ITPRID2: variants seen among roughly 807,000 people sequenced by gnomAD.
The protein encoded by ITPRID2 is ITPR interacting domain containing 2.
ITPRID2 carries 60 observed loss-of-function variants against 124.3 expected under a neutral mutation model. The ratio of observed to expected loss-of-function variants is 0.48; its 90% confidence interval spans 0.39 to 0.60. The LOEUF (loss-of-function observed/expected upper bound fraction) is 0.60. Ranked by LOEUF, ITPRID2 falls within the 20% of genes least tolerant of loss-of-function variation. ITPRID2 has a pLI of 0.00. For synonymous variants in ITPRID2, 521 were observed against 542.9 expected (o/e 0.96, Z 0.56); for missense variants, 1,553 against 1,512.2 (o/e 1.03, Z -0.45).
intron 4 of ITPRID2, among the ~76,000 whole-genome samples, chr2:181,898,491 G>A (rs1692393415): frequency 6.6e-6 from 1 of 151,904 alleles, no homozygotes; most frequent in African/African-American, 2.4e-5. Context: ...GTTAAATCAT[G>A]TTTTCCTCTT....
rs1011226481 is a variant in ITPRID2 at position 181,896,759 on chromosome 2, T to C, written c.308-149T>C. 7.5e-6 allele frequency: 5 copies of C among 665,464 alleles called. No homozygotes were observed. Among genetic ancestry groups the C allele is most frequent in the African/African-American group, 1.8e-5 (1 of 55,174 alleles). 41.2% of individuals were successfully genotyped at this position (665,464 alleles called of 1,614,324 possible). On this transcript the variant is annotated intron_variant, in intron 3 of 17. Coordinates refer to ENST00000431877, the MANE Select transcript of ITPRID2 (RefSeq NM_001130445.3). The surrounding 1 kb of genome is among the most constrained non-coding windows in gnomAD (Gnocchi z 4.3). ...AGCTTATACCTGCTTCTTGAAGTTA[T>C]ATAATCAGAATAATGTCTGAGTACA...
At chr2:181,918,704 CA>C in intron 12 of ITPRID2, 29 bp downstream of exon 12, 1 of 1,613,548 alleles carries the variant, frequency 6.2e-7, no homozygotes, top group Non-Finnish European at 8.5e-7. Context: ...CTTTGTGTTC[CA>C]AAATAATTTG....
intron 11 of ITPRID2, chr2:181,917,470 G>A (rs1052807511): frequency 3.9e-5 from 6 of 152,196 alleles, no homozygotes; most frequent in African/African-American, 1.4e-4. Flanking sequence ...TGTCTGTGAT[G>A]GAACTTGCAG....
intron 8 of ITPRID2, among the ~76,000 whole-genome samples, chr2:181,903,314 G>T (rs1692831109): frequency 6.6e-6 from 1 of 152,108 alleles, no homozygotes; most frequent in African/African-American, 2.4e-5. Context: ...GGAAACTGAG[G>T]CATATGTATG....
At chr2:181,921,394 C>A (rs1694468886) in intron 15 of ITPRID2, among the ~76,000 whole-genome samples, 2 of 151,896 alleles carry the variant, frequency 1.3e-5, no homozygotes, top group African/African-American at 4.8e-5. Context: ...AGGAGACTTG[C>A]TTGAACCCGG....
chr2:181,924,105 C>CATA (rs1694681188), intron 16 of ITPRID2, among the ~76,000 whole-genome samples: 1 of 152,154 alleles, frequency 6.6e-6, no homozygotes, highest in Non-Finnish European at 1.5e-5. Flanking sequence ...CTGAATTTGG[C>CATA]ATAGGCTTGA....
Position 181,902,370 on chromosome 2 carries a change from T to A in ITPRID2, c.1317T>A (p.His439Gln). ...ATAGCAGTGAGCTGAAAAGTGTCCA[T>A]ATATCCACACCTGAAAAAGAGCCTT... Reference protein sequence around the residue: ...LENSSELKSVHISTPEKEPCA... With the variant: ...LENSSELKSVQISTPEKEPCA... Residue 439 changes from histidine to glutamine, a missense_variant, in exon 8 of 18, where the codon CAT becomes CAA. Coordinates refer to ENST00000431877, the MANE Select transcript of ITPRID2 (RefSeq NM_001130445.3). This position sits in a 1 kb window ranked among gnomAD's most constrained non-coding sequence, Gnocchi z 4.4. 1 of 1,613,910 alleles carries A rather than the reference T, an allele frequency of 6.2e-7. No individual in the cohort carries two copies. The highest frequency in any genetic ancestry group is 8.5e-7 in the Non-Finnish European group (1 of 1,179,880).
At chr2:181,927,246 C>CAATT (rs1694930346) in intron 16 of ITPRID2, among the ~76,000 whole-genome samples, 1 of 152,124 alleles carries the variant, frequency 6.6e-6, no homozygotes, top group Admixed American at 6.5e-5. Flanking sequence ...TGACAGGAAA[C>CAATT]TGGAAATGTA....
chr2:181,913,356 C>T (rs187330868), intron 9 of ITPRID2, among the ~76,000 whole-genome samples: 20 of 152,256 alleles, frequency 1.3e-4, no homozygotes, highest in Non-Finnish European at 2.8e-4. Context: ...CATGAGCCAC[C>T]GCGCCCAGCC....
Position 181,892,105 on chromosome 2 carries a change from G to A in ITPRID2, c.39G>A (p.Glu13=), listed in dbSNP as rs983061641. The change falls in exon 1 of 18, where the codon GAG becomes GAA. Residue 13 remains glutamate (E), a synonymous_variant. Coordinates refer to ENST00000431877, the MANE Select transcript of ITPRID2 (RefSeq NM_001130445.3). The surrounding 1 kb of genome is among the most constrained non-coding windows in gnomAD (Gnocchi z 5.2). ...TGTCGTCGTCGGCGGAGGCGGAGGA[G>A]GAACTGGAGTGGCAAGTGGCGAGTC... The part of the protein sequence containing the change: ...RPLSSSAEAE[E]ELEWQVASRR... 2 of 1,558,052 alleles carry A rather than the reference G, an allele frequency of 1.3e-6. No homozygotes were observed. The highest frequency in any genetic ancestry group is 2.7e-5 in the African/African-American group (2 of 73,538).
rs1321366155 is a variant in ITPRID2 at position 181,916,345 on chromosome 2, C to T, written c.2705C>T (p.Ser902Phe). 4 of 1,614,080 alleles carry T rather than the reference C, an allele frequency of 2.5e-6. No individual in the cohort carries two copies. Among genetic ancestry groups the T allele is most frequent in the African/African-American group, 2.7e-5 (2 of 74,924 alleles). ...RHATYPYRVC[S>F]VNPPSAIEMQ... ...GCCACCTACCCTTACCGAGTGTGCT[C>T]TGTGAATCCTCCTTCAGCCATAGAA... is the stretch of plus-strand genomic sequence containing the variant. Residue 902 changes from serine to phenylalanine, a missense_variant, in exon 11 of 18, where the codon TCT (serine) becomes TTT (phenylalanine). Transcript: ENST00000431877.
chr2:181,915,797 T>A lies in ITPRID2; in HGVS notation c.2157T>A (p.Asp719Glu). 6.2e-7 allele frequency: 1 copy of A among 1,614,152 alleles called. No individual in the cohort carries two copies. Reference protein sequence around the residue: ...RMGRSLLKSKDLLKQRYLFAK... With the variant: ...RMGRSLLKSKELLKQRYLFAK... ...GGCGTAGCCTGCTAAAATCAAAAGA[T>A]TTGTTAAAACAAAGGTACTTATTTG... The change falls in exon 11 of 18, where the codon GAT (aspartate) becomes GAA (glutamate). Residue 719 changes from aspartate (D) to glutamate (E), a missense_variant. Transcript: ENST00000431877.
intron 16 of ITPRID2, among the ~76,000 whole-genome samples, chr2:181,925,619 G>A (rs1186666474): frequency 2.6e-5 from 4 of 151,974 alleles, no homozygotes; most frequent in Non-Finnish European, 5.9e-5. Context: ...CATTCATTCA[G>A]ACGCTTACTG....
In ITPRID2 at chr2:181,907,146, G is replaced by C. The variant is rs1693196189; in HGVS notation, c.1414-2753G>C. On this transcript the variant is annotated intron_variant, in intron 8 of 17. Transcript: ENST00000431877. The surrounding 1 kb of genome is among the most constrained non-coding windows in gnomAD (Gnocchi z 5.1). ...TAGAACATCCATGTATTGCTGTCCTGTGCAATACAATACAGTAGTATTGTG... is the reference window on the plus strand; with the variant it reads ...TAGAACATCCATGTATTGCTGTCCTCTGCAATACAATACAGTAGTATTGTG... Among the ~76,000 whole-genome samples the C allele has an allele frequency of 6.6e-6, 1 of 152,164 alleles. No individual in the cohort carries two copies. Among genetic ancestry groups the C allele is most frequent in the South Asian group, 2.1e-4 (1 of 4,828 alleles).
At position 181,902,677 on chromosome 2, in the gene ITPRID2, CT is replaced by C. The variant is rs1692770153; in HGVS notation, c.1413+214del. Among the ~76,000 whole-genome samples the C allele has an allele frequency of 6.6e-6, 1 of 152,192 alleles. No individual in the cohort carries two copies. Among genetic ancestry groups the C allele is most frequent in the Non-Finnish European group, 1.5e-5 (1 of 68,028 alleles). On this transcript the variant is annotated intron_variant, in intron 8 of 17. Transcript: ENST00000431877. This position sits in a 1 kb window ranked among gnomAD's most constrained non-coding sequence, Gnocchi z 4.4. ...GGACAGTTCAGTAACTCCTCCAGATCTTTATCCACTAGTTGATATTTGAACC... is the reference window on the plus strand; with the variant it reads ...GGACAGTTCAGTAACTCCTCCAGATCTTATCCACTAGTTGATATTTGAACC...
intron 2 of ITPRID2, chr2:181,893,343 T>A (rs924497286): frequency 1.3e-5 from 2 of 152,250 alleles, no homozygotes; most frequent in Non-Finnish European, 2.9e-5. Context: ...TTGTTTCTTA[T>A]TCCACTTTGC....
chr2:181,896,162 T>C lies in ITPRID2; in HGVS notation c.307+83T>C. 3.3e-6 allele frequency: 4 copies of C among 1,214,254 alleles called. No homozygotes were observed. Among genetic ancestry groups the C allele is most frequent in the Non-Finnish European group, 4.8e-6 (4 of 829,604 alleles). The allele number at this position is 1,214,254 out of a possible 1,614,324, so 75.2% of individuals were successfully genotyped here. On this transcript the variant is annotated intron_variant, in intron 3 of 17. Transcript: ENST00000431877. This position sits in a 1 kb window ranked among gnomAD's most constrained non-coding sequence, Gnocchi z 4.3. ...TCTGGGTAAAAGTGTATATATGACTTATAAAAGTGATATTCATGTTTATAG... is the reference window on the plus strand; with the variant it reads ...TCTGGGTAAAAGTGTATATATGACTCATAAAAGTGATATTCATGTTTATAG...
rs1131495 is a variant in ITPRID2 at position 181,920,618 on chromosome 2, G to A, written c.3166G>A (p.Ala1056Thr). Residue 1056 changes from alanine to threonine, a missense_variant, in exon 15 of 18, where the codon GCT becomes ACT. By Grantham distance (58) the Ala-to-Thr change is moderately conservative. Transcript: ENST00000431877. Reference sequence around the variant, plus strand: ...TCAGGGAATGTGTGGCAGTAGAAGCGCTGATAACTTGTCATGCCCTTCTCC... The same window carrying A: ...TCAGGGAATGTGTGGCAGTAGAAGCACTGATAACTTGTCATGCCCTTCTCC... ...ALMGMCGSRS[A>T]DNLSCPSPLN... is the part of the protein sequence containing the mutation. 2.7e-5 allele frequency: 44 copies of A among 1,613,200 alleles called. No homozygotes were observed. Among genetic ancestry groups the A allele is most frequent in the African/African-American group, 8.0e-5 (6 of 74,870 alleles).
In ITPRID2 at chr2:181,892,182, C is replaced by G; in HGVS notation, c.116C>G (p.Thr39Arg). ...CGCAGCTCCTGGCAAGCGTCGGAGA[C>G]GGAGGATCTGTCCACAGAAGCGACG... is the stretch of plus-strand genomic sequence containing the variant. ...KCRSSWQASE[T>R]EDLSTEATTQ... Residue 39 changes from threonine to arginine, a missense_variant, in exon 1 of 18, where the codon ACG becomes AGG. Physicochemically the swap from Thr to Arg is moderately conservative, Grantham distance 71 (BLOSUM62 -1). Transcript: ENST00000431877. This position sits in a 1 kb window ranked among gnomAD's most constrained non-coding sequence, Gnocchi z 5.2. 3.2e-6 allele frequency: 5 copies of G among 1,553,552 alleles called. No individual in the cohort carries two copies. Among genetic ancestry groups the G allele is most frequent in the Non-Finnish European group, 4.4e-6 (5 of 1,148,430 alleles).
Sources: allele counts gnomAD v4.1 joint callset (sites outside exome capture counted in the v4.1 genomes callset), GRCh38; gene constraint gnomAD v4.1.1; non-coding constraint Gnocchi (gnomAD v3.1); transcripts MANE v1.5; gene names NCBI Gene and HGNC (gene_info 2026-07-23, HGNC 2026-07-21).